Variants in SLC6A20 observed in about 807,000 individuals in gnomAD.
SLC6A20 encodes sodium- and chloride-dependent transporter XTRP3.
Under a neutral mutation model 64.3 loss-of-function variants are expected in SLC6A20, and 73 were observed. That is an observed-to-expected ratio of 1.14 (90% CI 0.94 to 1.38). The LOEUF is 1.38. SLC6A20 is among the 40% of genes most tolerant of loss of function. SLC6A20 has a pLI of 0.00. For missense variants in SLC6A20, 725 were observed against 772.8 expected (o/e 0.94, Z 0.73); for synonymous variants, 347 against 329.6 (o/e 1.05, Z -0.57).
chr3:45,766,988 A>G (rs975217407), intron 7 of SLC6A20, among the ~76,000 whole-genome samples: 1 of 152,234 alleles, frequency 6.6e-6, no homozygotes, highest in African/African-American at 2.4e-5. Context: ...AAGTAAATAA[A>G]AGAAAATAAA....
chr3:45,760,856 C>T (rs1305002995), intron 9 of SLC6A20, among the ~76,000 whole-genome samples: 1 of 152,244 alleles, frequency 6.6e-6, no homozygotes, highest in Non-Finnish European at 1.5e-5. Context: ...GGCTGCGATG[C>T]CTTCTTCCTT....
At chr3:45,789,267 GA>G (rs904290453) in intron 1 of SLC6A20, among the ~76,000 whole-genome samples, 13 of 151,822 alleles carry the variant, frequency 8.6e-5, no homozygotes, top group African/African-American at 2.7e-4. Context: ...AATCACTTGA[GA>G]AAAAAAGTGA....
intron 1 of SLC6A20, among the ~76,000 whole-genome samples, chr3:45,793,629 G>T: frequency 6.6e-6 from 1 of 152,268 alleles, no homozygotes; most frequent in Middle Eastern, 3.4e-3. Context: ...CTCCAGTCAC[G>T]GGCAGAGTCC....
In SLC6A20 at chr3:45,775,869, C is replaced by A; in HGVS notation, c.474G>T (p.Pro158=). Reference sequence around the variant, plus strand: ...GCACACCCCCGTTCTCCTGGAGGGACGGCGAGATATTGAGGGTTTTCCTGT... The same window carrying A: ...GCACACCCCCGTTCTCCTGGAGGGAAGGCGAGATATTGAGGGTTTTCCTGT... The part of the protein sequence containing the change: ...FWYRKTLNIS[P]SLQENGGVQW... The change falls in exon 4 of 11, where the codon CCG becomes CCT. Residue 158 remains proline (P), a synonymous_variant. Coordinates refer to ENST00000358525, the MANE Select transcript of SLC6A20 (RefSeq NM_020208.4). 6.2e-7 allele frequency: 1 copy of A among 1,614,168 alleles called. No individual in the cohort carries two copies. The highest frequency in any genetic ancestry group is 8.5e-7 in the Non-Finnish European group (1 of 1,180,032).
chr3:45,766,313 C>A (rs1487237550), intron 7 of SLC6A20, among the ~76,000 whole-genome samples: 6 of 152,366 alleles, frequency 3.9e-5, no homozygotes, highest in African/African-American at 1.4e-4. Context: ...TGTGCGTACT[C>A]TCTGGCTACC....
chr3:45,765,771 T>C lies in SLC6A20; in HGVS notation c.1099-30A>G. On this transcript the variant is annotated intron_variant, in intron 7 of 10. Coordinates refer to ENST00000358525, the MANE Select transcript of SLC6A20 (RefSeq NM_020208.4). The surrounding 1 kb of genome is among the most constrained non-coding windows in gnomAD (Gnocchi z 4.2). ...CCAGGGTGAGAAGACACCAGTTACATGCAAGAGGGACTTATAGTCTTATTC... is the reference window on the plus strand; with the variant it reads ...CCAGGGTGAGAAGACACCAGTTACACGCAAGAGGGACTTATAGTCTTATTC... The C allele has an allele frequency of 4.3e-6, 7 of 1,612,410 alleles. No homozygotes were observed. The highest frequency in any genetic ancestry group is 5.9e-6 in the Non-Finnish European group (7 of 1,178,692).
At chr3:45,771,697 T>C (rs1035454666) in intron 5 of SLC6A20, 1 of 622,536 alleles carries the variant, frequency 1.6e-6, no homozygotes, top group African/African-American at 1.8e-5. Flanking sequence ...ACAGGTGCTA[T>C]GTGGAGGACA....
At chr3:45,792,696 C>T (rs539944467) in intron 1 of SLC6A20, among the ~76,000 whole-genome samples, 13 of 152,300 alleles carry the variant, frequency 8.5e-5, no homozygotes, top group African/African-American at 1.9e-4. Flanking sequence ...AGCTCCAGGC[C>T]GGCTCACAAG....
intron 3 of SLC6A20, among the ~76,000 whole-genome samples, chr3:45,778,026 A>G (rs1700000422): frequency 3.3e-5 from 5 of 152,194 alleles, no homozygotes; most frequent in African/African-American, 1.2e-4. Flanking sequence ...GGTTTAGCGT[A>G]TAGGAGAACT....
Position 45,762,996 on chromosome 3 carries a change from G to A in SLC6A20, c.1380C>T (p.Phe460=). ...GGGACAGTGTGGCCGCGTAGTCGTT[G>A]AATATGTCAAACCAGTAGTTCCCAG... The part of the protein sequence containing the change: ...MEAGNYWFDI[F]NDYAATLSLL... Residue 460 remains phenylalanine (F), a synonymous_variant, in exon 9 of 11, where the codon TTC becomes TTT. Coordinates refer to ENST00000358525, the MANE Select transcript of SLC6A20 (RefSeq NM_020208.4). The A allele has an allele frequency of 6.2e-7, 1 of 1,614,124 alleles. No individual in the cohort carries two copies. Among genetic ancestry groups the A allele is most frequent in the East Asian group, 2.2e-5 (1 of 44,872 alleles).
intron 9 of SLC6A20, among the ~76,000 whole-genome samples, chr3:45,760,267 A>G (rs1699647157): frequency 1.3e-5 from 2 of 152,226 alleles, no homozygotes; most frequent in South Asian, 2.1e-4. Context: ...TGGACATCAG[A>G]AGACGCCTTC....
Position 45,796,464 on chromosome 3 carries a change from C to G in SLC6A20, c.-45G>C, listed in dbSNP as rs373219947. ...TCGGCTCCGGCTCGGGGGTCCGGCA[C>G]GGCAGTCTCAGTGCGCGGTCGCCAG... On this transcript the variant is annotated 5_prime_UTR_variant, in exon 1 of 11. Coordinates refer to ENST00000358525, the MANE Select transcript of SLC6A20 (RefSeq NM_020208.4). 223 of 1,583,468 alleles carry G rather than the reference C, an allele frequency of 1.4e-4. No individual in the cohort carries two copies. The highest frequency in any genetic ancestry group is 1.8e-4 in the Non-Finnish European group (207 of 1,165,056).
chr3:45,760,047 G>C, intron 9 of SLC6A20, 25 bp from the exon 10 acceptor site: 1 of 1,599,420 alleles, frequency 6.3e-7, no homozygotes. Flanking sequence ...GGGAGAGAAA[G>C]TCTGGATTAA....
In SLC6A20 at chr3:45,770,256, T is replaced by C. The variant is rs147777980; in HGVS notation, c.1051A>G (p.Met351Val). The change falls in exon 7 of 11, where the codon ATG becomes GTG. Residue 351 changes from methionine to valine, a missense_variant. Physicochemically the swap from Met to Val is conservative, Grantham distance 21 (BLOSUM62 1). Transcript: ENST00000358525. ...CTGCAGTTTTTGATTTGCGGGAACA[T>C]CTCGCTGTATTTGCTTGGGTAGGCA... Reference protein sequence around the residue: ...ASAYPSKYSEMFPQIKNCSLE... With the variant: ...ASAYPSKYSEVFPQIKNCSLE... 1 of 1,614,228 alleles carries C rather than the reference T, an allele frequency of 6.2e-7. No homozygotes were observed. Among genetic ancestry groups the C allele is most frequent in the South Asian group, 1.1e-5 (1 of 91,086 alleles).
Position 45,772,601 on chromosome 3 carries a change from C to T in SLC6A20, c.597G>A (p.Thr199=), listed in dbSNP as rs556958366. 2.1e-5 allele frequency: 34 copies of T among 1,613,562 alleles called. No homozygotes were observed. The highest frequency in any genetic ancestry group is 3.3e-5 in the South Asian group (3 of 90,970). The change falls in exon 5 of 11, where the codon ACG becomes ACA. Residue 199 remains threonine (T), a synonymous_variant. Transcript: ENST00000358525. ...TGAGCACGCAATAGGGCAGTGACGCCGTGAAATACACCACCTGCGGGCATC... is the reference window on the plus strand; with the variant it reads ...TGAGCACGCAATAGGGCAGTGACGCTGTGAAATACACCACCTGCGGGCATC... ...TESTGKVVYF[T]ASLPYCVLII...
chr3:45,777,206 C>CA (rs1699982940), intron 3 of SLC6A20, among the ~76,000 whole-genome samples: 1 of 152,146 alleles, frequency 6.6e-6, no homozygotes. Context: ...AACCAAGGCC[C>CA]GGGGTATCAC....
chr3:45,758,883 G>A lies in SLC6A20; in HGVS notation c.*95C>T. 6.9e-7 allele frequency: 1 copy of A among 1,453,278 alleles called. No individual in the cohort carries two copies. 90.0% of individuals were successfully genotyped at this position (1,453,278 alleles called of 1,614,324 possible). ...TAGACACTCAGGAAGTTGATGGGCT[G>A]AGCACTCCTGGCTTAAGCATTTGAA... On this transcript the variant is annotated 3_prime_UTR_variant, in exon 11 of 11. Transcript: ENST00000358525.
intron 4 of SLC6A20, among the ~76,000 whole-genome samples, chr3:45,774,673 TG>T (rs893811245): frequency 2.0e-5 from 3 of 151,714 alleles, no homozygotes; most frequent in African/African-American, 4.8e-5. Context: ...AAGAAATACA[TG>T]GGGGGTGGGG....
chr3:45,763,827 C>A (rs1699726538), intron 8 of SLC6A20, among the ~76,000 whole-genome samples: 1 of 152,234 alleles, frequency 6.6e-6, no homozygotes, highest in South Asian at 2.1e-4. Flanking sequence ...AGAGCCCACA[C>A]CTGCCCTTTC....
Sources: allele counts gnomAD v4.1 joint callset (sites outside exome capture counted in the v4.1 genomes callset), GRCh38; gene constraint gnomAD v4.1.1; non-coding constraint Gnocchi (gnomAD v3.1); transcripts MANE v1.5; gene names NCBI Gene and HGNC (gene_info 2026-07-23, HGNC 2026-07-21).